CDON: variants seen among roughly 807,000 people sequenced by gnomAD.
CDON encodes the protein cell adhesion molecule-related/down-regulated by oncogenes.
Under a neutral mutation model 120.9 loss-of-function variants are expected in CDON, and 73 were observed. The ratio of observed to expected loss-of-function variants is 0.60; its 90% CI spans 0.50 to 0.73. The LOEUF is 0.73. Among genes scored for constraint, CDON ranks in the 30% least tolerant of loss-of-function variants. CDON has a pLI of 0.00. For synonymous variants in CDON, 566 were observed against 573.5 expected, an observed-to-expected ratio of 0.99 and a Z score of 0.19; for missense variants, 1,470 against 1,587.3, an observed-to-expected ratio of 0.93 and a Z score of 1.26.
chr11:126,003,822 AAAAAATAAATTAATAAT>A, intron 10 of CDON, 63 bp downstream of exon 10: 1 of 1,376,768 alleles, frequency 7.3e-7, no homozygotes, highest in Non-Finnish European at 1.0e-6. Context: ...TCCATCTCAA[AAAAAATAAATTAATAAT>A]TCTCACTAAT....
At position 125,981,081 on chromosome 11, in the gene CDON, C is replaced by A. The variant is rs753463208; in HGVS notation, c.3244G>T (p.Val1082Leu). Residue 1082 changes from valine to leucine, a missense_variant, in exon 17 of 20, where the codon GTG becomes TTG. Transcript: ENST00000531738. The stretch of plus-strand genomic sequence containing the variant: ...AGATGATGAGGATGTTCAAAATCCA[C>A]GTGTGTCCTGGTTAGAGAGTTGCTG... The part of the protein sequence containing the change: ...GHSNSLTRTH[V>L]DFEHPHHLVN... The A allele has an allele frequency of 1.2e-6, 2 of 1,614,122 alleles. No homozygotes were observed. Among genetic ancestry groups the A allele is most frequent in the East Asian group, 4.5e-5 (2 of 44,882 alleles).
intron 18 of CDON, among the ~76,000 whole-genome samples, chr11:125,966,419 G>C (rs565860854): frequency 1.3e-5 from 2 of 152,280 alleles, no homozygotes; most frequent in South Asian, 4.1e-4. Flanking sequence ...TGACCACGAA[G>C]CACATCAGTT....
At chr11:125,986,581 C>T (rs1434361300) in intron 15 of CDON, among the ~76,000 whole-genome samples, 8 of 151,848 alleles carry the variant, frequency 5.3e-5, no homozygotes, top group Admixed American at 2.6e-4. Flanking sequence ...CTGGCTAACA[C>T]GGTGAAACCC....
intron 2 of CDON, among the ~76,000 whole-genome samples, chr11:126,022,596 C>T (rs905099401): frequency 6.6e-6 from 1 of 151,976 alleles, no homozygotes; most frequent in Non-Finnish European, 1.5e-5. Context: ...GAAAAAAAAT[C>T]AATAAATTGC....
chr11:126,056,967 T>C (rs1285977056), intron 1 of CDON, among the ~76,000 whole-genome samples: 1 of 152,224 alleles, frequency 6.6e-6, no homozygotes, highest in African/African-American at 2.4e-5. Flanking sequence ...CAACGCTAAG[T>C]GTTGATTACG....
chr11:125,976,364 G>T (rs1946148281), intron 18 of CDON, among the ~76,000 whole-genome samples: 1 of 152,094 alleles, frequency 6.6e-6, no homozygotes, highest in Non-Finnish European at 1.5e-5. Context: ...GTAAAGACTT[G>T]CACTAAACAG....
chr11:126,028,154 C>T (rs1048490045), intron 1 of CDON, among the ~76,000 whole-genome samples: 3 of 151,980 alleles, frequency 2.0e-5, no homozygotes, highest in Admixed American at 2.0e-4. Flanking sequence ...AAAAAGTACA[C>T]ATTCAATACA....
At chr11:126,006,434 G>A (rs1487029702) in intron 8 of CDON, among the ~76,000 whole-genome samples, 1 of 152,116 alleles carries the variant, frequency 6.6e-6, no homozygotes, top group Non-Finnish European at 1.5e-5. Context: ...TTGGGAGGCC[G>A]AGGCAGGGGA....
chr11:125,965,041 C>T (rs568099089), intron 18 of CDON, among the ~76,000 whole-genome samples: 2 of 152,258 alleles, frequency 1.3e-5, no homozygotes, highest in South Asian at 4.1e-4. Context: ...ATTCTCCTGC[C>T]TCAGCCTCCC....
At chr11:126,042,505 T>A (rs1044067848) in intron 1 of CDON, among the ~76,000 whole-genome samples, 10 of 152,250 alleles carry the variant, frequency 6.6e-5, no homozygotes, top group African/African-American at 2.4e-4. Flanking sequence ...ATATTTTTTT[T>A]ATGCATCCTA....
chr11:126,004,719 TAAAATATCATCATATTA>T (rs1453179897), intron 9 of CDON, among the ~76,000 whole-genome samples: 1 of 152,200 alleles, frequency 6.6e-6, no homozygotes, highest in African/African-American at 2.4e-5. Context: ...ACATAAACCT[TAAAATATCATCATATTA>T]AAATATCATC....
At chr11:126,022,497 G>A (rs1947671736) in intron 2 of CDON, among the ~76,000 whole-genome samples, 1 of 152,154 alleles carries the variant, frequency 6.6e-6, no homozygotes, top group Non-Finnish European at 1.5e-5. Context: ...TTCTTGCACT[G>A]AAGTATCCAT....
intron 1 of CDON, among the ~76,000 whole-genome samples, chr11:126,062,257 C>T (rs2134987283): frequency 6.6e-6 from 1 of 152,262 alleles, no homozygotes; most frequent in East Asian, 1.9e-4. Flanking sequence ...AACGCGCGGG[C>T]GCCCTAGCTC....
chr11:126,017,568 T>C (rs1421509684), intron 5 of CDON, among the ~76,000 whole-genome samples, 193 bp from the exon 6 acceptor site: 2 of 152,160 alleles, frequency 1.3e-5, no homozygotes, highest in Non-Finnish European at 2.9e-5. Context: ...ATTGGCAGTT[T>C]GGAAATGCAG....
At chr11:126,042,363 GGGTCACCTGTAAGT>G (rs1246405459) in intron 1 of CDON, among the ~76,000 whole-genome samples, 1 of 152,172 alleles carries the variant, frequency 6.6e-6, no homozygotes, top group Admixed American at 6.5e-5. Flanking sequence ...TGGTAATTGT[GGGTCACCTGTAAGT>G]GGCAAGAAGG....
intron 8 of CDON, 27 bp from the exon 9 acceptor site, chr11:126,006,084 T>C: frequency 6.2e-7 from 1 of 1,602,386 alleles, no homozygotes; most frequent in Non-Finnish European, 8.5e-7. Context: ...AGGAGACAGC[T>C]TGAAGATACT....
intron 11 of CDON, among the ~76,000 whole-genome samples, chr11:125,999,368 G>A (rs899579824): frequency 6.6e-6 from 1 of 152,140 alleles, no homozygotes; most frequent in Non-Finnish European, 1.5e-5. Context: ...AAAGAAAGAC[G>A]GCACTGGAGT....
chr11:125,997,193 T>G lies in CDON; in HGVS notation c.2362+14A>C. Reference sequence around the variant, plus strand: ...TCACATCGATGGTAAAAGGAAACGTTTGAATATTACTACCTGGTTCTAAAC... The same window carrying G: ...TCACATCGATGGTAAAAGGAAACGTGTGAATATTACTACCTGGTTCTAAAC... On this transcript the variant is annotated intron_variant, in intron 12 of 19. Coordinates refer to ENST00000531738, the MANE Select transcript of CDON (RefSeq NM_001378964.1). The G allele has an allele frequency of 6.3e-7, 1 of 1,582,788 alleles. No homozygotes were observed. The highest frequency in any genetic ancestry group is 1.1e-5 in the South Asian group (1 of 90,464).
At chr11:126,059,486 C>G (rs568243419) in intron 1 of CDON, among the ~76,000 whole-genome samples, 3 of 151,318 alleles carry the variant, frequency 2.0e-5, no homozygotes, top group Admixed American at 6.6e-5. Flanking sequence ...CTCAACCCCC[C>G]CTGCCCGCAT....
Sources: gnomAD v4.1 joint callset for allele counts (sites outside exome capture counted in the v4.1 genomes callset) on GRCh38, gnomAD v4.1.1 for gene constraint, MANE v1.5 for transcripts, NCBI Gene and HGNC (gene_info 2026-07-23, HGNC 2026-07-21) for gene names.